Variants in SORCS2 observed in about 807,000 individuals in gnomAD.
SORCS2 encodes sortilin related VPS10 domain containing receptor 2, also known as VPS10 domain-containing receptor SorCS2.
A neutral mutation model predicts 141.6 loss-of-function variants in SORCS2; 100 were observed. That is an observed-to-expected ratio of 0.71 (90% confidence interval 0.60 to 0.83). SORCS2 has a LOEUF of 0.83. Ranked by LOEUF, SORCS2 falls within the 40% of genes least tolerant of loss-of-function variation. SORCS2 has a pLI of 0.00. For missense variants in SORCS2, 1,646 were observed against 1,560.2 expected (o/e 1.05, Z -0.93); for synonymous variants, 789 against 676.9 (o/e 1.17, Z -2.57).
At chr4:7,206,870 G>A (rs1287155565) in intron 1 of SORCS2, among the ~76,000 whole-genome samples, 3 of 152,180 alleles carry the variant, frequency 2.0e-5, no homozygotes, top group African/African-American at 7.2e-5. Context: ...CCCATGAGAT[G>A]GGTTTGCTCA....
Position 7,738,768 on chromosome 4 carries a change from G to A in SORCS2, c.3416-1432G>A, listed in dbSNP as rs1365057508. On this transcript the variant is annotated intron_variant, in intron 26 of 26. Transcript: ENST00000507866. The stretch of plus-strand genomic sequence containing the variant: ...AAGTGAGGCTCAAAAAGGAGAAGTC[G>A]CTCACCCCGGCCAGCCAGACCCCAA... 6.6e-5 allele frequency among the ~76,000 whole-genome samples: 10 copies of A among 152,224 alleles called. No individual in the cohort carries two copies. The South Asian group carries it at 8.3e-4, about 13-fold the overall frequency.
intron 1 of SORCS2, among the ~76,000 whole-genome samples, chr4:7,374,257 G>A (rs4493532): frequency 0.7 from 105,040 of 150,724 alleles, 36,900 homozygotes; most frequent in East Asian, 0.93. Flanking sequence ...TAATGACTAA[G>A]GTATTGGAAA....
At chr4:7,639,657 GT>G (rs1231975737) in intron 4 of SORCS2, among the ~76,000 whole-genome samples, 1 of 151,022 alleles carries the variant, frequency 6.6e-6, no homozygotes, top group Non-Finnish European at 1.5e-5. Context: ...ATGAATGTGA[GT>G]GTGTGCAAAT....
chr4:7,646,652 A>C (rs1721098366), intron 4 of SORCS2, among the ~76,000 whole-genome samples: 1 of 152,192 alleles, frequency 6.6e-6, no homozygotes, highest in Non-Finnish European at 1.5e-5. Flanking sequence ...TACAAAAAAA[A>C]GACAGGCACA....
chr4:7,420,914 G>A (rs1006708906), intron 2 of SORCS2, among the ~76,000 whole-genome samples: 2 of 152,102 alleles, frequency 1.3e-5, no homozygotes, highest in Non-Finnish European at 2.9e-5. Flanking sequence ...TCCTCTGCCC[G>A]CCTGTCTCCT....
At position 7,725,159 on chromosome 4, in the gene SORCS2, C is replaced by A; in HGVS notation, c.2617C>A (p.Leu873Met). 1.2e-6 allele frequency: 2 copies of A among 1,613,114 alleles called. No homozygotes were observed. Among genetic ancestry groups the A allele is most frequent in the Non-Finnish European group, 1.7e-6 (2 of 1,179,392 alleles). The stretch of plus-strand genomic sequence containing the variant: ...GCCTTTTTGGGTCCCCACAGCCCCC[C>A]TGCAGGCCCTCTACCTGGAGGTGGT... ...AVLFVQVNSPLQALYLEVVPV... is the reference protein window; with the variant it reads ...AVLFVQVNSPMQALYLEVVPV... Residue 873 changes from leucine (L) to methionine (M), a missense_variant, in exon 20 of 27, where the codon CTG becomes ATG. Coordinates refer to ENST00000507866, the MANE Select transcript of SORCS2 (RefSeq NM_020777.3).
At chr4:7,480,031 A>C (rs1227636311) in intron 2 of SORCS2, among the ~76,000 whole-genome samples, 1 of 152,238 alleles carries the variant, frequency 6.6e-6, no homozygotes, top group Non-Finnish European at 1.5e-5. Context: ...CAGCCTCGCC[A>C]TGTGGCTGAG....
intron 2 of SORCS2, among the ~76,000 whole-genome samples, chr4:7,503,654 G>A (rs1428476775): frequency 6.6e-6 from 1 of 152,162 alleles, no homozygotes; most frequent in Non-Finnish European, 1.5e-5. Context: ...AGATGGAGGT[G>A]GGGGTGCAGA....
chr4:7,459,113 T>C (rs1379762676), intron 2 of SORCS2, among the ~76,000 whole-genome samples: 1 of 152,054 alleles, frequency 6.6e-6, no homozygotes, highest in Non-Finnish European at 1.5e-5. Flanking sequence ...CGCAAAGGTG[T>C]GGCCCTGAGG....
At chr4:7,417,225 G>A (rs947211819) in intron 2 of SORCS2, among the ~76,000 whole-genome samples, 7 of 152,190 alleles carry the variant, frequency 4.6e-5, no homozygotes, top group Non-Finnish European at 1.0e-4. Flanking sequence ...CATGAAGGGC[G>A]AGCTAGACTT....
intron 1 of SORCS2, among the ~76,000 whole-genome samples, chr4:7,358,608 G>A (rs997556295): frequency 6.6e-6 from 1 of 152,144 alleles, no homozygotes; most frequent in Non-Finnish European, 1.5e-5. Context: ...TGCATGACTC[G>A]TGTCCTCTAA....
At chr4:7,521,337 G>A (rs1733316724) in intron 2 of SORCS2, among the ~76,000 whole-genome samples, 2 of 152,162 alleles carry the variant, frequency 1.3e-5, no homozygotes, top group South Asian at 2.1e-4. Context: ...CCCTAACACT[G>A]GGCACCCCCT....
chr4:7,719,439 C>CAA (rs58280827), intron 18 of SORCS2, among the ~76,000 whole-genome samples: 18,000 of 152,270 alleles, frequency 0.12, 1,242 homozygotes, highest in South Asian at 0.2. Context: ...GTCACTCTCC[C>CAA]AAGGCCACAC....
At chr4:7,306,455 G>A (rs564023217) in intron 1 of SORCS2, among the ~76,000 whole-genome samples, 41 of 152,332 alleles carry the variant, frequency 2.7e-4, no homozygotes, top group African/African-American at 8.7e-4. Flanking sequence ...TGCTGTGTCT[G>A]AGGGTTTGCG....
At chr4:7,418,727 A>T (rs866583929) in intron 2 of SORCS2, among the ~76,000 whole-genome samples, 1 of 136,542 alleles carries the variant, frequency 7.3e-6, no homozygotes, top group South Asian at 2.7e-4. Flanking sequence ...AGATTTGTAG[A>T]TTAAAACAAC....
chr4:7,394,590 A>G (rs1724084095), intron 1 of SORCS2, among the ~76,000 whole-genome samples: 1 of 150,732 alleles, frequency 6.6e-6, no homozygotes, highest in South Asian at 2.1e-4. Context: ...TGGGGTTTAG[A>G]ATGAGGGGGT....
intron 1 of SORCS2, among the ~76,000 whole-genome samples, chr4:7,318,024 G>A (rs1718671765): frequency 6.6e-6 from 1 of 152,352 alleles, no homozygotes; most frequent in South Asian, 2.1e-4. Flanking sequence ...TGTCCAGCCT[G>A]TTTGATGTGA....
chr4:7,306,366 G>T (rs1221684157), intron 1 of SORCS2, among the ~76,000 whole-genome samples: 1 of 152,050 alleles, frequency 6.6e-6, no homozygotes, highest in East Asian at 1.9e-4. Context: ...TCTGGTGGGG[G>T]TGGGTGTGTA....
At chr4:7,700,678 G>C (rs76446006) in intron 12 of SORCS2, among the ~76,000 whole-genome samples, 8,458 of 152,244 alleles carry the variant, frequency 0.056, 317 homozygotes, top group Middle Eastern at 0.082. Context: ...AGAGGATCCC[G>C]GCATGACAAC....
Sources: gnomAD v4.1 joint callset for allele counts (sites outside exome capture counted in the v4.1 genomes callset) on GRCh38, gnomAD v4.1.1 for gene constraint, MANE v1.5 for transcripts, NCBI Gene and HGNC (gene_info 2026-07-23, HGNC 2026-07-21) for gene names.